The following KPNA7 variants were observed in gnomAD, a reference collection of about 807,000 sequenced individuals.
KPNA7 encodes importin subunit alpha-8.
A neutral mutation model predicts 53.7 loss-of-function variants in KPNA7; 54 were observed. The observed-to-expected ratio is 1.01, with a 90% CI of 0.81 to 1.26. The LOEUF is 1.26. KPNA7 is among the 50% of genes most tolerant of loss of function. The pLI is 0.00. For synonymous variants in KPNA7, 276 were observed against 259.3 expected (o/e 1.06, Z -0.62); for missense variants, 640 against 644.5 (o/e 0.99, Z 0.07).
Position 99,207,271 on chromosome 7 carries a change from G to C in KPNA7, c.66+130C>G, listed in dbSNP as rs559771782. On this transcript the variant is annotated intron_variant, in intron 2 of 10. Coordinates refer to ENST00000327442, the MANE Select transcript of KPNA7 (RefSeq NM_001145715.3). Reference sequence around the variant, plus strand: ...GATCGTCTTAACCTCCTGACCTTGTGATCTGCCCGTCTCAGCCTCTCAAAG... The same window carrying C: ...GATCGTCTTAACCTCCTGACCTTGTCATCTGCCCGTCTCAGCCTCTCAAAG... The C allele has an allele frequency of 5.5e-6, 4 of 733,380 alleles. No homozygotes were observed. The Admixed American group carries it at 8.4e-5, about 15-fold the overall frequency. The allele number at this position is 733,380 out of a possible 1,614,324, so 45.4% of individuals were successfully genotyped here.
At chr7:99,164,646 A>C in the KPNA7 span, among the ~76,000 whole-genome samples, 1 of 126,982 alleles carries the variant, frequency 7.9e-6, no homozygotes, top group Non-Finnish European at 1.7e-5. Context: ...AAAAAAAAAA[A>C]TTTCTCGAAA....
chr7:99,146,654 G>A, the KPNA7 span, among the ~76,000 whole-genome samples: 1 of 148,212 alleles, frequency 6.7e-6, no homozygotes, highest in African/African-American at 2.5e-5. Context: ...AGAGGTTGCA[G>A]TGAGGCGAGA....
chr7:99,164,420 T>A, the KPNA7 span, among the ~76,000 whole-genome samples: 1 of 151,534 alleles, frequency 6.6e-6, no homozygotes, highest in African/African-American at 2.4e-5. Context: ...TTCTCACTCA[T>A]AGGTGGGAAT....
intron 10 of KPNA7, 101 bp from the exon 11 acceptor site, chr7:99,173,895 C>A: frequency 1.4e-6 from 1 of 704,586 alleles, no homozygotes; most frequent in Non-Finnish European, 2.5e-6. Context: ...ACCCTCTTAA[C>A]CATGTTTAAG....
chr7:99,195,113 C>T lies in KPNA7; in HGVS notation c.510G>A (p.Val170=), dbSNP rs751856088. The change falls in exon 5 of 11, where the codon GTG becomes GTA. Residue 170 remains valine, a synonymous_variant. Coordinates refer to ENST00000327442, the MANE Select transcript of KPNA7 (RefSeq NM_001145715.3). ...PLIELLSSSN[V]AVCEQAVWAL... ...CCCACACTGCCTGTTCACACACAGCCACGTTGGAGGAAGACAGGAGCTCAA... is the reference window on the plus strand; with the variant it reads ...CCCACACTGCCTGTTCACACACAGCTACGTTGGAGGAAGACAGGAGCTCAA... The T allele has an allele frequency of 6.4e-7, 1 of 1,551,670 alleles. No homozygotes were observed. Among genetic ancestry groups the T allele is most frequent in the Non-Finnish European group, 8.7e-7 (1 of 1,146,990 alleles).
At chr7:99,186,240 G>A (rs576214307) in intron 7 of KPNA7, among the ~76,000 whole-genome samples, 1 of 152,168 alleles carries the variant, frequency 6.6e-6, no homozygotes, top group Non-Finnish European at 1.5e-5. Context: ...CCCAGGACAG[G>A]TCTACGATTG....
In KPNA7 at chr7:99,178,771, CAAAAAAAAAAAAAAAAAA is replaced by C. The variant is rs756807848; in HGVS notation, c.1318-723_1318-706del. Among the ~76,000 whole-genome samples, 112 of 27,720 alleles carry C rather than the reference CAAAAAAAAAAAAAAAAAA, an allele frequency of 4.0e-3. 1 individual carries two copies. The highest frequency in any genetic ancestry group is 0.024 in the South Asian group (9 of 372). 18.2% of individuals were successfully genotyped at this position (27,720 alleles called of 152,430 possible). The stretch of plus-strand genomic sequence containing the variant: ...GCATTTGGCCCAAATATCTTTGTCT[CAAAAAAAAAAAAAAAAAA>C]AAAAAAAAAAAAAAAAAGAGTCTCG... On this transcript the variant is annotated intron_variant, in intron 9 of 10. Transcript: ENST00000327442.
At chr7:99,148,464 C>G in the KPNA7 span, among the ~76,000 whole-genome samples, 2 of 152,212 alleles carry the variant, frequency 1.3e-5, no homozygotes, top group Admixed American at 6.5e-5. Flanking sequence ...AAACTCTGGA[C>G]TCCTTCCTCC....
rs549820612 is a variant in KPNA7, at chr7:99,207,399, A to T, written c.66+2T>A. ...AGAAGCAGGTGGGTGCTTCATACTCACAGACACATCTTTGCCTCGGTACTT... is the reference window on the plus strand; with the variant it reads ...AGAAGCAGGTGGGTGCTTCATACTCTCAGACACATCTTTGCCTCGGTACTT... On this transcript the variant is annotated splice_donor_variant, in intron 2 of 10. Coordinates refer to ENST00000327442, the MANE Select transcript of KPNA7 (RefSeq NM_001145715.3). LOFTEE classifies it high-confidence loss of function. 1.1e-4 allele frequency: 174 copies of T among 1,551,190 alleles called. 1 individual carries two copies. The South Asian group carries it at 1.9e-3, about 17-fold the overall frequency.
chr7:99,146,915 C>T, the KPNA7 span, among the ~76,000 whole-genome samples: 4 of 152,070 alleles, frequency 2.6e-5, no homozygotes, highest in South Asian at 6.2e-4. Context: ...AATCAAAATT[C>T]GAAATTTGAA....
intron 3 of KPNA7, among the ~76,000 whole-genome samples, chr7:99,201,405 T>A (rs1790526726): frequency 6.6e-6 from 1 of 152,146 alleles, no homozygotes; most frequent in South Asian, 2.1e-4. Context: ...GGCTCATGCC[T>A]GTAAACCCAG....
chr7:99,190,816 T>A (rs760050934), intron 6 of KPNA7, among the ~76,000 whole-genome samples: 1 of 151,854 alleles, frequency 6.6e-6, no homozygotes, highest in Non-Finnish European at 1.5e-5. Flanking sequence ...CCCAGCTTGA[T>A]AAAACTATTT....
intron 9 of KPNA7, among the ~76,000 whole-genome samples, chr7:99,180,727 GTCTCTCTCTCTCCCCGTGTCTCTC>G (rs1563067956): frequency 4.5e-5 from 4 of 89,448 alleles, no homozygotes; most frequent in African/African-American, 2.0e-4. Flanking sequence ...CTCCGTCTGT[GTCTCTCTCTCTCCCCGTGTCTCTC>G]TCTCTCTCCC....
intron 6 of KPNA7, among the ~76,000 whole-genome samples, chr7:99,190,233 A>G (rs1006351466): frequency 2.0e-5 from 3 of 151,412 alleles, no homozygotes; most frequent in African/African-American, 7.3e-5. Flanking sequence ...GCTACTCGGG[A>G]GGCTGAAGCA....
At chr7:99,182,629 C>T (rs545723812) in intron 8 of KPNA7, among the ~76,000 whole-genome samples, 4 of 152,162 alleles carry the variant, frequency 2.6e-5, no homozygotes, top group South Asian at 2.1e-4. Context: ...ACCCCCTGCC[C>T]GGCTCCTGCC....
chr7:99,212,597 C>T (rs538102437), upstream of KPNA7, among the ~76,000 whole-genome samples: 2 of 151,914 alleles, frequency 1.3e-5, no homozygotes, highest in African/African-American at 2.4e-5. Flanking sequence ...GGAAGCGTTG[C>T]TTTTTAAGAC....
chr7:99,170,642 G>GT (rs1346136680), downstream of KPNA7, among the ~76,000 whole-genome samples: 5 of 152,166 alleles, frequency 3.3e-5, no homozygotes, highest in Non-Finnish European at 7.3e-5. Flanking sequence ...GTTCCAAGCT[G>GT]TTTTTTAAAA....
chr7:99,207,558 G>A, intron 1 of KPNA7, 69 bp from the exon 2 acceptor site: 2 of 629,258 alleles, frequency 3.2e-6, no homozygotes, highest in South Asian at 3.0e-5. Flanking sequence ...AGTATCATAA[G>A]GCTCTAACCC....
intron 1 of KPNA7, among the ~76,000 whole-genome samples, chr7:99,216,809 G>A (rs182526272): frequency 4.6e-4 from 70 of 152,058 alleles, no homozygotes; most frequent in African/African-American, 1.4e-3. Flanking sequence ...TGATCCGCCC[G>A]CCTTGGCCTC....
Sources: allele counts gnomAD v4.1 joint callset (sites outside exome capture counted in the v4.1 genomes callset), GRCh38; gene constraint gnomAD v4.1.1; transcripts MANE v1.5; gene names NCBI Gene and HGNC (gene_info 2026-07-23, HGNC 2026-07-21).